MIS18A: variants seen among roughly 807,000 people sequenced by gnomAD.
The protein encoded by MIS18A is protein Mis18-alpha.
MIS18A carries 14 observed loss-of-function variants against 25.0 expected under a neutral mutation model. That is an observed-to-expected ratio of 0.56 (90% CI 0.37 to 0.88). The LOEUF (loss-of-function observed/expected upper bound fraction) is 0.88. Ranked by LOEUF, MIS18A falls within the 40% of genes least tolerant of loss-of-function variation. MIS18A has a pLI of 0.00. For synonymous variants in MIS18A, 134 were observed against 118.6 expected, an observed-to-expected ratio of 1.13 and a Z score of -0.84; for missense variants, 292 against 290.8, an observed-to-expected ratio of 1.00 and a Z score of -0.03.
the MIS18A span, among the ~76,000 whole-genome samples, chr21:32,233,867 C>G: frequency 3.3e-5 from 5 of 152,214 alleles, no homozygotes; most frequent in African/African-American, 1.2e-4. Context: ...TAAAGGGGAA[C>G]AGAAAGTAAA....
the MIS18A span, among the ~76,000 whole-genome samples, chr21:32,261,869 G>A: frequency 6.6e-6 from 1 of 152,122 alleles, no homozygotes; most frequent in African/African-American, 2.4e-5. Flanking sequence ...CTCAAGGGAG[G>A]GACAACTGCA....
At chr21:32,209,008 G>A in the MIS18A span, among the ~76,000 whole-genome samples, 1 of 152,222 alleles carries the variant, frequency 6.6e-6, no homozygotes, top group Non-Finnish European at 1.5e-5. Context: ...GCAGTTGCTT[G>A]AAAGCAAAGT....
the MIS18A span, among the ~76,000 whole-genome samples, chr21:32,209,811 C>G: frequency 6.6e-6 from 1 of 152,152 alleles, no homozygotes; most frequent in Non-Finnish European, 1.5e-5. Flanking sequence ...CTTCCTGCCA[C>G]TACATGCAGA....
chr21:32,239,785 G>A, the MIS18A span, among the ~76,000 whole-genome samples: 1 of 152,174 alleles, frequency 6.6e-6, no homozygotes, highest in Non-Finnish European at 1.5e-5. Flanking sequence ...AACAAAGGAA[G>A]CTCAAACTCT....
At chr21:32,233,169 G>A in the MIS18A span, among the ~76,000 whole-genome samples, 1 of 152,322 alleles carries the variant, frequency 6.6e-6, no homozygotes, top group Non-Finnish European at 1.5e-5. Context: ...ATAAAGGCAT[G>A]AGTCAATGAG....
chr21:32,273,320 G>A (rs1170564920), intron 2 of MIS18A, among the ~76,000 whole-genome samples: 1 of 151,896 alleles, frequency 6.6e-6, no homozygotes, highest in Admixed American at 6.6e-5. Context: ...ATAATCTCTA[G>A]CCCCTCTGCC....
chr21:32,239,401 T>G, the MIS18A span, among the ~76,000 whole-genome samples: 5 of 152,226 alleles, frequency 3.3e-5, no homozygotes, highest in Admixed American at 6.5e-5. Context: ...ATCTTCCAGC[T>G]GGACTAAAAA....
the MIS18A span, among the ~76,000 whole-genome samples, chr21:32,182,783 T>C: frequency 2.6e-5 from 4 of 152,328 alleles, no homozygotes; most frequent in East Asian, 7.7e-4. Context: ...CCTAGTTTCC[T>C]GTCACCAAAA....
chr21:32,257,327 A>C, the MIS18A span, among the ~76,000 whole-genome samples: 1 of 152,220 alleles, frequency 6.6e-6, no homozygotes, highest in Non-Finnish European at 1.5e-5. Flanking sequence ...AGATGCTGTT[A>C]AATAAAATGT....
the MIS18A span, among the ~76,000 whole-genome samples, chr21:32,182,905 G>A: frequency 2.4e-3 from 365 of 152,286 alleles, 3 homozygotes; most frequent in African/African-American, 8.1e-3. Context: ...AGGCAAAGAC[G>A]TACACGTTAG....
the MIS18A span, among the ~76,000 whole-genome samples, chr21:32,206,350 C>T: frequency 6.6e-6 from 1 of 152,154 alleles, no homozygotes; most frequent in Non-Finnish European, 1.5e-5. Context: ...TAATCTCCAA[C>T]TCCCTAGACT....
chr21:32,277,610 G>C (rs1360259023), intron 1 of MIS18A, among the ~76,000 whole-genome samples: 1 of 152,090 alleles, frequency 6.6e-6, no homozygotes, highest in African/African-American at 2.4e-5. Context: ...ACACCACCAT[G>C]CCCGGCTAAT....
chr21:32,211,952 C>T, the MIS18A span, among the ~76,000 whole-genome samples: 2 of 152,184 alleles, frequency 1.3e-5, no homozygotes, highest in South Asian at 2.1e-4. Context: ...TACCCTATCT[C>T]TCCCCTGGCA....
chr21:32,166,590 T>C, the MIS18A span, among the ~76,000 whole-genome samples: 3 of 152,236 alleles, frequency 2.0e-5, no homozygotes, highest in Non-Finnish European at 4.4e-5. Flanking sequence ...CTAAATTAAT[T>C]AATTAATTAA....
chr21:32,233,142 A>G, the MIS18A span, among the ~76,000 whole-genome samples: 2 of 152,242 alleles, frequency 1.3e-5, no homozygotes, highest in Non-Finnish European at 2.9e-5. Context: ...TTCCTGGATG[A>G]ATTCCTTGTT....
chr21:32,258,042 C>T, the MIS18A span, among the ~76,000 whole-genome samples: 66 of 152,126 alleles, frequency 4.3e-4, no homozygotes, highest in Non-Finnish European at 8.7e-4. Flanking sequence ...TGCCAAGTCT[C>T]GTGTGAGTCA....
the MIS18A span, among the ~76,000 whole-genome samples, chr21:32,203,406 T>C: frequency 2.0e-5 from 3 of 151,484 alleles, no homozygotes; most frequent in African/African-American, 7.3e-5. Flanking sequence ...GATATTACAG[T>C]TTTTAGAGAG....
chr21:32,166,095 G>A, the MIS18A span, among the ~76,000 whole-genome samples: 1 of 152,148 alleles, frequency 6.6e-6, no homozygotes, highest in Admixed American at 6.5e-5. Flanking sequence ...GGGGTGAGGG[G>A]CAGGGTGGAC....
At chr21:32,177,918 C>G in the MIS18A span, among the ~76,000 whole-genome samples, 5 of 145,978 alleles carry the variant, frequency 3.4e-5, no homozygotes, top group Non-Finnish European at 5.9e-5. Flanking sequence ...CTTTTGTTTT[C>G]TTTTCTTTTT....
Sources: gnomAD v4.1 joint callset for allele counts (sites outside exome capture counted in the v4.1 genomes callset) on GRCh38, gnomAD v4.1.1 for gene constraint, MANE v1.5 for transcripts, NCBI Gene and HGNC (gene_info 2026-07-23, HGNC 2026-07-21) for gene names.